Variants in TXLNB observed in about 807,000 individuals in gnomAD.
TXLNB encodes beta-taxilin.
TXLNB carries 37 observed loss-of-function variants against 57.4 expected under a neutral mutation model. The ratio of observed to expected loss-of-function variants is 0.64; its 90% confidence interval spans 0.50 to 0.85. The LOEUF is 0.85. TXLNB is among the 40% of genes least tolerant of loss of function. TXLNB has a pLI of 0.00. For synonymous variants in TXLNB, 302 were observed against 309.6 expected (o/e 0.98, Z 0.26); for missense variants, 848 against 825.6 (o/e 1.03, Z -0.33).
chr6:139,163,401 C>T, the TXLNB span, among the ~76,000 whole-genome samples: 1 of 149,214 alleles, frequency 6.7e-6, no homozygotes, highest in African/African-American at 2.5e-5. Context: ...GCCACTCAGG[C>T]TGGTGTGCAG....
the TXLNB span, among the ~76,000 whole-genome samples, chr6:139,205,374 GC>G: frequency 5.9e-5 from 9 of 152,046 alleles, no homozygotes; most frequent in African/African-American, 1.9e-4. Flanking sequence ...TAATCCACCC[GC>G]CTCAGCCTCC....
In TXLNB at chr6:139,288,790, T is replaced by C; in HGVS notation, c.110A>G (p.Asp37Gly). Reference protein sequence around the residue: ...HNGLEKEDGQDSPTPVQPPEK... With the variant: ...HNGLEKEDGQGSPTPVQPPEK... ...TGGTGGTTGGACTGGGGTTGGAGAA[T>C]CCTGGCCATCTTCCTTCTCCAGGCC... Residue 37 changes from aspartate to glycine, a missense_variant, in exon 2 of 10, where the codon GAT (aspartate) becomes GGT (glycine). Transcript: ENST00000358430. 3 of 1,614,206 alleles carry C rather than the reference T, an allele frequency of 1.9e-6. No individual in the cohort carries two copies. The highest frequency in any genetic ancestry group is 2.5e-6 in the Non-Finnish European group (3 of 1,180,036).
chr6:139,284,757 T>C (rs1035274684), intron 2 of TXLNB, among the ~76,000 whole-genome samples: 1 of 145,546 alleles, frequency 6.9e-6, no homozygotes, highest in Non-Finnish European at 1.5e-5. Context: ...ATTTTGCAAT[T>C]GATTCTAATA....
the TXLNB span, among the ~76,000 whole-genome samples, chr6:139,164,528 C>T: frequency 9.9e-5 from 15 of 151,924 alleles, no homozygotes; most frequent in African/African-American, 1.9e-4. Context: ...TAAGAATTGG[C>T]GATGTAGTTT....
chr6:139,166,992 C>T, the TXLNB span: 23 of 1,614,078 alleles, frequency 1.4e-5, no homozygotes, highest in East Asian at 2.0e-4. Flanking sequence ...TACAGCCCTG[C>T]GGGGTTGGCA....
chr6:139,317,112 TCA>T, the TXLNB span, among the ~76,000 whole-genome samples: 1 of 152,190 alleles, frequency 6.6e-6, no homozygotes, highest in East Asian at 1.9e-4. Context: ...TGAGATAGTT[TCA>T]CAGTGTTTGA....
chr6:139,219,459 T>A, the TXLNB span, among the ~76,000 whole-genome samples: 1 of 152,192 alleles, frequency 6.6e-6, no homozygotes, highest in African/African-American at 2.4e-5. Context: ...ATGCAAATCA[T>A]CAGCTCAAAG....
chr6:139,319,858 A>C, the TXLNB span, among the ~76,000 whole-genome samples: 1 of 152,212 alleles, frequency 6.6e-6, no homozygotes, highest in East Asian at 1.9e-4. Flanking sequence ...TATTTATAGT[A>C]TTTAACAATT....
upstream of TXLNB, among the ~76,000 whole-genome samples, chr6:139,293,921 G>T (rs1261293298): frequency 6.6e-6 from 1 of 152,156 alleles, no homozygotes; most frequent in African/African-American, 2.4e-5. Flanking sequence ...TTCCATCCTG[G>T]ATTGTAGCAA....
chr6:139,286,626 A>T (rs1424902647), intron 2 of TXLNB, among the ~76,000 whole-genome samples: 4 of 152,184 alleles, frequency 2.6e-5, no homozygotes, highest in Non-Finnish European at 4.4e-5. Context: ...GCAGGAGATG[A>T]GTGGCAGGCG....
chr6:139,181,071 G>A, the TXLNB span, among the ~76,000 whole-genome samples: 74,782 of 152,032 alleles, frequency 0.49, 19,551 homozygotes, highest in Non-Finnish European at 0.58. Flanking sequence ...TTATCGTTCC[G>A]GTTTTAGGGA....
chr6:139,178,930 A>G, the TXLNB span: 11 of 152,232 alleles, frequency 7.2e-5, no homozygotes, highest in African/African-American at 2.7e-4. Flanking sequence ...ACAGCATTAA[A>G]GAACCAATGT....
the TXLNB span, among the ~76,000 whole-genome samples, chr6:139,223,298 C>A: frequency 6.6e-6 from 1 of 152,006 alleles, no homozygotes; most frequent in East Asian, 1.9e-4. Flanking sequence ...TTGTGGGATG[C>A]AGTTAAAGCC....
chr6:139,248,272 CA>C (rs59145478), intron 7 of TXLNB, among the ~76,000 whole-genome samples: 11,940 of 81,426 alleles, frequency 0.15, 464 homozygotes, highest in Middle Eastern at 0.2. Flanking sequence ...GACTCCGTCT[CA>C]AAAAAAAAAA....
At chr6:139,211,239 C>G in the TXLNB span, among the ~76,000 whole-genome samples, 231 of 152,284 alleles carry the variant, frequency 1.5e-3, no homozygotes, top group African/African-American at 5.3e-3. Context: ...CGAGTAGGGG[C>G]GGACTGACAC....
intron 6 of TXLNB, 102 bp from the exon 7 acceptor site, chr6:139,255,740 T>G (rs1776321297): frequency 1.2e-6 from 1 of 829,440 alleles, no homozygotes; most frequent in African/African-American, 1.8e-5. Context: ...CTCATTAACC[T>G]CCTTAAGTAA....
At chr6:139,249,394 A>G (rs1161788048) in intron 7 of TXLNB, among the ~76,000 whole-genome samples, 3 of 152,236 alleles carry the variant, frequency 2.0e-5, no homozygotes, top group Non-Finnish European at 4.4e-5. Flanking sequence ...CAAGTCTTCA[A>G]ATGGGTATAA....
the TXLNB span, chr6:139,166,735 C>T: frequency 6.2e-7 from 1 of 1,613,238 alleles, no homozygotes; most frequent in Non-Finnish European, 8.5e-7. Context: ...ACCTCCCCCG[C>T]CGGCATTCCA....
chr6:139,187,655 T>C, the TXLNB span, among the ~76,000 whole-genome samples: 3 of 152,198 alleles, frequency 2.0e-5, no homozygotes, highest in African/African-American at 7.2e-5. Flanking sequence ...AGAACTCTGC[T>C]GGGGGAAACC....
Sources: allele counts gnomAD v4.1 joint callset (sites outside exome capture counted in the v4.1 genomes callset), GRCh38; gene constraint gnomAD v4.1.1; transcripts MANE v1.5; gene names NCBI Gene and HGNC (gene_info 2026-07-23, HGNC 2026-07-21).